The following SEMA6D variants were observed in gnomAD, a reference collection of about 807,000 sequenced individuals.
SEMA6D encodes semaphorin-6D.
In SEMA6D, 35 loss-of-function variants were observed where a neutral mutation model predicts 106.6. The ratio of observed to expected loss-of-function variants is 0.33; its 90% CI spans 0.25 to 0.44. SEMA6D has a LOEUF of 0.44. Among genes scored for constraint, SEMA6D ranks in the 20% least tolerant of loss-of-function variants. The probability of loss-of-function intolerance (pLI) is 1.00; values close to 1 mark genes in which losing one functional copy is unlikely to be tolerated. For synonymous variants in SEMA6D, 499 were observed against 487.7 expected, an observed-to-expected ratio of 1.02 and a Z score of -0.31; for missense variants, 1,185 against 1,345.9, an observed-to-expected ratio of 0.88 and a Z score of 1.87.
intron 1 of SEMA6D, among the ~76,000 whole-genome samples, chr15:47,383,180 G>A (rs903688859): frequency 3.9e-4 from 59 of 152,198 alleles, no homozygotes; most frequent in African/African-American, 1.4e-3. Context: ...GTTCTAAGCT[G>A]ATCCTCTATT....
At chr15:47,753,692 G>A (rs535293854) in intron 1 of SEMA6D, among the ~76,000 whole-genome samples, 3 of 152,130 alleles carry the variant, frequency 2.0e-5, no homozygotes, top group Admixed American at 6.5e-5. Context: ...TAAAGTCTTC[G>A]TAAAGCTAGA....
intron 3 of SEMA6D, 147 bp downstream of exon 3, chr15:47,760,562 T>C: frequency 1.6e-6 from 1 of 639,364 alleles, no homozygotes; most frequent in Non-Finnish European, 2.7e-6. Context: ...GAGTCAGTGT[T>C]GTGTACCGGG....
chr15:47,450,872 T>C (rs1333524536), intron 2 of SEMA6D, among the ~76,000 whole-genome samples: 1 of 152,040 alleles, frequency 6.6e-6, no homozygotes. Context: ...ATATCCTGTG[T>C]TCTCTCCATC....
At chr15:47,184,132 T>C (rs1208950257) in exon 1 of SEMA6D, 1 of 150,122 alleles carries the variant, frequency 6.7e-6, no homozygotes, top group Non-Finnish European at 1.5e-5. Context: ...GAGGAAGGAG[T>C]GGAGGGCTGC....
chr15:47,472,653 A>G (rs1427924381), intron 3 of SEMA6D, among the ~76,000 whole-genome samples: 3 of 152,146 alleles, frequency 2.0e-5, no homozygotes, highest in Admixed American at 2.0e-4. Context: ...AATCAATAAC[A>G]TATTAAAAAT....
At chr15:47,533,407 C>G (rs909424351) in intron 3 of SEMA6D, among the ~76,000 whole-genome samples, 1 of 152,122 alleles carries the variant, frequency 6.6e-6, no homozygotes, top group African/African-American at 2.4e-5. Flanking sequence ...TAAAACATAT[C>G]ATGGAGATTA....
At chr15:47,239,009 G>A (rs1307524144) in intron 1 of SEMA6D, among the ~76,000 whole-genome samples, 2 of 152,152 alleles carry the variant, frequency 1.3e-5, no homozygotes, top group Non-Finnish European at 2.9e-5. Context: ...CAGGTACCTG[G>A]CCACATAGCA....
At chr15:47,273,484 ATCC>A in intron 1 of SEMA6D, among the ~76,000 whole-genome samples, 1 of 152,320 alleles carries the variant, frequency 6.6e-6, no homozygotes, top group Middle Eastern at 3.4e-3. Context: ...AAAGGCAAAA[ATCC>A]TCACTTAAAT....
At chr15:47,316,562 T>C (rs1001119206) in intron 1 of SEMA6D, among the ~76,000 whole-genome samples, 3 of 151,968 alleles carry the variant, frequency 2.0e-5, no homozygotes, top group Non-Finnish European at 4.4e-5. Context: ...TTGTAGATTT[T>C]CATTATCAAG....
At chr15:47,395,888 A>G (rs1478086958) in intron 1 of SEMA6D, among the ~76,000 whole-genome samples, 1 of 152,192 alleles carries the variant, frequency 6.6e-6, no homozygotes, top group African/African-American at 2.4e-5. Context: ...TGTAGATTGC[A>G]TGTTTGCATC....
chr15:47,563,236 A>G (rs12909534), intron 3 of SEMA6D, among the ~76,000 whole-genome samples: 14,955 of 152,296 alleles, frequency 0.098, 1,084 homozygotes, highest in Non-Finnish European at 0.15. Context: ...TGTGATGGGC[A>G]TGTCCAAAAT....
intron 4 of SEMA6D, among the ~76,000 whole-genome samples, chr15:47,682,357 C>T (rs6493290): frequency 0.29 from 43,976 of 151,888 alleles, 7,110 homozygotes; most frequent in East Asian, 0.44. Flanking sequence ...GTAGTAGAGA[C>T]GGGGTTTCAC....
chr15:47,760,694 T>C (rs2147686620), intron 3 of SEMA6D, among the ~76,000 whole-genome samples: 1 of 152,300 alleles, frequency 6.6e-6, no homozygotes, highest in South Asian at 2.1e-4. Context: ...TATGCGTTTT[T>C]AACTTAGAAT....
chr15:47,705,540 A>G (rs2078897251), intron 4 of SEMA6D, among the ~76,000 whole-genome samples: 1 of 152,192 alleles, frequency 6.6e-6, no homozygotes, highest in African/African-American at 2.4e-5. Context: ...ACATGACTTA[A>G]TAATTTTCAT....
At chr15:47,256,447 A>G (rs769311969) in intron 1 of SEMA6D, among the ~76,000 whole-genome samples, 2 of 152,156 alleles carry the variant, frequency 1.3e-5, no homozygotes, top group Non-Finnish European at 2.9e-5. Flanking sequence ...TATGTACTAT[A>G]TATTCTTTGG....
intron 1 of SEMA6D, among the ~76,000 whole-genome samples, chr15:47,256,785 G>A (rs894143217): frequency 2.6e-5 from 4 of 152,056 alleles, no homozygotes; most frequent in Non-Finnish European, 4.4e-5. Context: ...CTTGAACCCG[G>A]GAGGTGGAGG....
intron 4 of SEMA6D, among the ~76,000 whole-genome samples, chr15:47,659,432 G>T (rs1257450637): frequency 6.6e-6 from 1 of 151,726 alleles, no homozygotes. Context: ...AAATACCTAT[G>T]TCTGTGACTA....
intron 3 of SEMA6D, among the ~76,000 whole-genome samples, chr15:47,544,187 T>C (rs1360611815): frequency 6.6e-6 from 1 of 152,164 alleles, no homozygotes; most frequent in Non-Finnish European, 1.5e-5. Context: ...TTAATTTTAT[T>C]AGACTTTCCT....
chr15:47,443,941 AG>A (rs1476838431), intron 2 of SEMA6D, among the ~76,000 whole-genome samples: 1 of 152,138 alleles, frequency 6.6e-6, no homozygotes, highest in Non-Finnish European at 1.5e-5. Context: ...ATAAGTGCAA[AG>A]GTTGCTAATA....
Sources: allele counts gnomAD v4.1 joint callset (sites outside exome capture counted in the v4.1 genomes callset), GRCh38; gene constraint gnomAD v4.1.1; transcripts MANE v1.5; gene names NCBI Gene and HGNC (gene_info 2026-07-23, HGNC 2026-07-21).